Variants in MORC1 observed in about 807,000 individuals in gnomAD.
MORC1 encodes the protein MORC family CW-type zinc finger 1.
A neutral mutation model predicts 134.9 loss-of-function variants in MORC1; 59 were observed. That is an observed-to-expected ratio of 0.44 (90% CI 0.35 to 0.54). MORC1 has a LOEUF of 0.54. Ranked by LOEUF, MORC1 falls within the 20% of genes least tolerant of loss-of-function variation. The pLI is 0.00. For synonymous variants in MORC1, 395 were observed against 391.7 expected (o/e 1.01, Z -0.10); for missense variants, 947 against 1,134.5 (o/e 0.83, Z 2.37).
chr3:109,042,916 G>A (rs1490536358), intron 14 of MORC1, among the ~76,000 whole-genome samples: 1 of 152,126 alleles, frequency 6.6e-6, no homozygotes, highest in Admixed American at 6.5e-5. Context: ...GGTTACCAGA[G>A]GCTGGGGGAG....
At chr3:108,965,742 A>G (rs1490487063) in intron 26 of MORC1, among the ~76,000 whole-genome samples, 1 of 152,172 alleles carries the variant, frequency 6.6e-6, no homozygotes, top group Non-Finnish European at 1.5e-5. Context: ...AAACCGGGTG[A>G]TGAGTACACA....
intron 20 of MORC1, 152 bp downstream of exon 20, chr3:109,004,665 A>C (rs1441843318): frequency 6.9e-6 from 5 of 722,338 alleles, no homozygotes; most frequent in Non-Finnish European, 1.1e-5. Context: ...ATTATATCCC[A>C]GTTTTTTCAG....
intron 14 of MORC1, among the ~76,000 whole-genome samples, chr3:109,040,829 CAAAAA>C (rs59122147): frequency 1.4e-4 from 15 of 108,608 alleles, no homozygotes; most frequent in South Asian, 5.7e-4. Flanking sequence ...AACTCTGTGT[CAAAAA>C]AAAAAAAAAA....
At chr3:109,110,898 C>A in intron 2 of MORC1, 115 bp from the exon 3 acceptor site, 1 of 708,214 alleles carries the variant, frequency 1.4e-6, no homozygotes, top group South Asian at 2.3e-5. Context: ...GCTTCAAAAT[C>A]AATTTCTAAA....
At position 109,024,194 on chromosome 3, in the gene MORC1, T is replaced by G. The variant is rs115902893; in HGVS notation, c.1704+3557A>C. On this transcript the variant is annotated intron_variant, in intron 17 of 27. Transcript: ENST00000232603. ...CTACTGTAAATGTTCTTATGTCCTT[T>G]TTGTCTGTATTTTTCCTATAAGACT... 5.1e-3 allele frequency among the ~76,000 whole-genome samples: 776 copies of G among 152,334 alleles called. 17 individuals are homozygous for G. Among genetic ancestry groups the G allele is most frequent in the African/African-American group, 0.018 (745 of 41,576 alleles).
At chr3:109,110,837 A>T in intron 2 of MORC1, 54 bp from the exon 3 acceptor site, 10 of 1,337,014 alleles carry the variant, frequency 7.5e-6, no homozygotes, top group South Asian at 1.3e-5. Context: ...TTGCTTACAT[A>T]AGGTATAACC....
intron 17 of MORC1, among the ~76,000 whole-genome samples, chr3:109,008,962 C>A (rs1005105014): frequency 3.3e-5 from 5 of 152,252 alleles, no homozygotes; most frequent in African/African-American, 1.2e-4. Context: ...TCACCCTTGA[C>A]TTTCCTTTTT....
chr3:109,099,361 A>G lies in MORC1; in HGVS notation c.420T>C (p.Ser140=), dbSNP rs777556942. Residue 140 remains serine, a synonymous_variant, in exon 6 of 28, where the codon AGT becomes AGC. Coordinates refer to ENST00000232603, the MANE Select transcript of MORC1 (RefSeq NM_014429.4). ...SQTFCEEESL[S]EVVVPMPSWL... Reference sequence around the variant, plus strand: ...GAAGGAAAACTTCAACTCTTACCTCACTAAGACTTTCTTCTTCACAGAATG... The same window carrying G: ...GAAGGAAAACTTCAACTCTTACCTCGCTAAGACTTTCTTCTTCACAGAATG... The G allele has an allele frequency of 3.1e-6, 5 of 1,605,946 alleles. No homozygotes were observed. In the East Asian group the frequency reaches 1.1e-4, roughly 36 times the overall value.
intron 15 of MORC1, 109 bp from the exon 16 acceptor site, chr3:109,032,934 C>T: frequency 1.3e-6 from 1 of 749,430 alleles, no homozygotes; most frequent in Non-Finnish European, 2.3e-6. Context: ...AATCCAAAGA[C>T]AACTGAATCC....
chr3:109,032,087 A>G (rs949980399), intron 16 of MORC1, among the ~76,000 whole-genome samples: 1 of 152,162 alleles, frequency 6.6e-6, no homozygotes, highest in African/African-American at 2.4e-5. Flanking sequence ...CCTAATGTCT[A>G]TATTAAAAAT....
chr3:109,025,387 T>G (rs71625231), intron 17 of MORC1, among the ~76,000 whole-genome samples: 4 of 88,498 alleles, frequency 4.5e-5, no homozygotes, highest in African/African-American at 1.6e-4. Flanking sequence ...TTCTTTTTTT[T>G]TTTTTTTTTT....
intron 21 of MORC1, among the ~76,000 whole-genome samples, chr3:108,994,082 C>G (rs1948135368): frequency 6.6e-6 from 1 of 152,056 alleles, no homozygotes; most frequent in Non-Finnish European, 1.5e-5. Context: ...AAGAGCTGAC[C>G]AGGTACAACT....
intron 26 of MORC1, 105 bp downstream of exon 26, chr3:108,969,564 A>G: frequency 8.5e-7 from 1 of 1,176,336 alleles, no homozygotes; most frequent in Non-Finnish European, 1.3e-6. Flanking sequence ...AAGTGAATGC[A>G]AATTTGATTT....
intron 14 of MORC1, among the ~76,000 whole-genome samples, chr3:109,049,941 T>C (rs1210132657): frequency 1.3e-5 from 2 of 152,200 alleles, no homozygotes; most frequent in African/African-American, 4.8e-5. Flanking sequence ...ATAATTACTA[T>C]TCTTGAACTT....
intron 14 of MORC1, among the ~76,000 whole-genome samples, chr3:109,053,455 T>A (rs1282793137): frequency 6.6e-6 from 1 of 151,910 alleles, no homozygotes; most frequent in African/African-American, 2.4e-5. Context: ...TAAAAAAGAA[T>A]GAAATTGTGT....
intron 23 of MORC1, among the ~76,000 whole-genome samples, chr3:108,981,686 C>T (rs910827139): frequency 3.3e-5 from 5 of 152,104 alleles, no homozygotes; most frequent in Non-Finnish European, 7.4e-5. Flanking sequence ...GAATGTAGCT[C>T]AATGTTTAGT....
At position 109,056,811 on chromosome 3, in the gene MORC1, C is replaced by T. The variant is rs115247640; in HGVS notation, c.1175+532G>A. On this transcript the variant is annotated intron_variant, in intron 13 of 27. Coordinates refer to ENST00000232603, the MANE Select transcript of MORC1 (RefSeq NM_014429.4). ...TTGTCTGACCCTGTCCTTTTCTGTG[C>T]GTCTCTTCAGGACTCTACATCATTG... 5.1e-3 allele frequency among the ~76,000 whole-genome samples: 782 copies of T among 152,266 alleles called. 18 individuals are homozygous for T. The highest frequency in any genetic ancestry group is 0.018 in the African/African-American group (750 of 41,560).
At chr3:109,101,684 G>T (rs1011660437) in intron 4 of MORC1, 13 of 152,202 alleles carry the variant, frequency 8.5e-5, no homozygotes, top group African/African-American at 2.7e-4. Context: ...AACACTTATT[G>T]ATTGTTTAGT....
At chr3:109,099,514 A>C in intron 5 of MORC1, 48 bp from the exon 6 acceptor site, 4 of 1,402,736 alleles carry the variant, frequency 2.9e-6, no homozygotes, top group Non-Finnish European at 3.9e-6. Flanking sequence ...AAATACTAAA[A>C]AGGAAGAAAC....
Sources: gnomAD v4.1 joint callset for allele counts (sites outside exome capture counted in the v4.1 genomes callset) on GRCh38, gnomAD v4.1.1 for gene constraint, MANE v1.5 for transcripts, NCBI Gene and HGNC (gene_info 2026-07-23, HGNC 2026-07-21) for gene names.